RIMS1: variants seen among roughly 807,000 people sequenced by gnomAD.
The protein encoded by RIMS1 is regulating synaptic membrane exocytosis protein 1.
A neutral mutation model predicts 214.1 loss-of-function variants in RIMS1; 83 were observed. The observed-to-expected ratio is 0.39, with a 90% CI of 0.32 to 0.47. The LOEUF is 0.47. Ranked by LOEUF, RIMS1 falls within the 20% of genes least tolerant of loss-of-function variation. The pLI is 0.99. For missense variants in RIMS1, 2,050 were observed against 2,161.8 expected (o/e 0.95, Z 1.03); for synonymous variants, 793 against 786.8 (o/e 1.01, Z -0.13).
At chr6:72,380,977 T>TA (rs1378727710) in intron 29 of RIMS1, among the ~76,000 whole-genome samples, 1 of 152,226 alleles carries the variant, frequency 6.6e-6, no homozygotes, top group Non-Finnish European at 1.5e-5. Flanking sequence ...AATAACATGA[T>TA]AAAATAATAA....
At chr6:72,322,170 A>T (rs548375848) in intron 28 of RIMS1, among the ~76,000 whole-genome samples, 1 of 152,128 alleles carries the variant, frequency 6.6e-6, no homozygotes. Context: ...AAAAAGTCCA[A>T]TGAAAAATTC....
At position 72,313,567 on chromosome 6, in the gene RIMS1, G is replaced by C. The variant is rs776905137; in HGVS notation, c.4025G>C (p.Ser1342Thr). 6.2e-7 allele frequency: 1 copy of C among 1,613,644 alleles called. No individual in the cohort carries two copies. The part of the protein sequence containing the change: ...CDNVSAKSSD[S>T]DVSDVSAISR... ...AACGTCTCTGCCAAATCATCAGATA[G>C]TGATGTCAGTGATGTTTCCGCCATT... The change falls in exon 28 of 34, where the codon AGT (serine) becomes ACT (threonine). Residue 1342 changes from serine (S) to threonine (T), a missense_variant. Physicochemically the swap from Ser to Thr is moderately conservative, Grantham distance 58 (BLOSUM62 1). This residue lies in a region of RIMS1 where 889 missense variants were observed against 885.5 expected (regional missense o/e 1.00). Coordinates refer to ENST00000521978, the MANE Select transcript of RIMS1 (RefSeq NM_014989.7).
chr6:72,247,201 T>C (rs9446607), intron 11 of RIMS1, among the ~76,000 whole-genome samples: 2,907 of 152,196 alleles, frequency 0.019, 121 homozygotes, highest in African/African-American at 0.067. Flanking sequence ...GCCTCCTCCA[T>C]GTGAAGTTGA....
intron 27 of RIMS1, 40 bp from the exon 28 acceptor site, chr6:72,313,466 C>T (rs762263398): frequency 6.3e-7 from 1 of 1,583,566 alleles, no homozygotes; most frequent in East Asian, 2.3e-5. Context: ...TTTCCATTGT[C>T]TAATGATGGA....
intron 26 of RIMS1, among the ~76,000 whole-genome samples, chr6:72,293,917 A>G (rs1174018196): frequency 6.6e-6 from 1 of 151,808 alleles, no homozygotes; most frequent in Non-Finnish European, 1.5e-5. Context: ...GATATTTAAT[A>G]TGACAAATAC....
chr6:72,093,046 C>T (rs1327191738), intron 2 of RIMS1, among the ~76,000 whole-genome samples: 1 of 151,898 alleles, frequency 6.6e-6, no homozygotes, highest in East Asian at 1.9e-4. Flanking sequence ...ATCATTCATA[C>T]ATACAAAACA....
intron 29 of RIMS1, among the ~76,000 whole-genome samples, chr6:72,387,618 C>T (rs895914753): frequency 3.3e-5 from 5 of 152,322 alleles, no homozygotes; most frequent in Middle Eastern, 3.4e-3. Context: ...TAAGTGTGCA[C>T]GTTCCACAAT....
chr6:71,987,293 G>T (rs907648220), intron 2 of RIMS1, among the ~76,000 whole-genome samples: 1 of 152,148 alleles, frequency 6.6e-6, no homozygotes, highest in African/African-American at 2.4e-5. Context: ...TCATAGTTCT[G>T]GAGGCTGAAA....
chr6:72,366,659 T>C (rs2098034896), intron 29 of RIMS1: 1 of 961,444 alleles, frequency 1.0e-6, no homozygotes, highest in Non-Finnish European at 1.2e-6. Flanking sequence ...ATATTCTGTA[T>C]ATGCATGAGA....
intron 1 of RIMS1, among the ~76,000 whole-genome samples, chr6:71,960,302 T>C (rs530682882): frequency 1.3e-5 from 2 of 152,082 alleles, no homozygotes; most frequent in African/African-American, 4.8e-5. Context: ...GTGAGACTAG[T>C]GGTTTTCAAT....
chr6:71,975,449 A>G (rs1796899164), intron 2 of RIMS1, among the ~76,000 whole-genome samples: 1 of 152,202 alleles, frequency 6.6e-6, no homozygotes, highest in Non-Finnish European at 1.5e-5. Context: ...ATGCTTAGCC[A>G]AATTATGTTT....
intron 4 of RIMS1, among the ~76,000 whole-genome samples, chr6:72,170,154 GC>G (rs1325123089): frequency 2.0e-5 from 3 of 152,090 alleles, no homozygotes; most frequent in African/African-American, 7.2e-5. Context: ...AGCCTGAGAT[GC>G]TTTCCTCCAG....
intron 16 of RIMS1, among the ~76,000 whole-genome samples, chr6:72,256,711 G>A (rs2076019215): frequency 6.7e-6 from 1 of 149,874 alleles, no homozygotes; most frequent in Non-Finnish European, 1.5e-5. Flanking sequence ...AATGAGCTAT[G>A]TATTAATAGT....
chr6:72,046,234 G>A (rs1822990987), intron 2 of RIMS1, among the ~76,000 whole-genome samples: 1 of 151,888 alleles, frequency 6.6e-6, no homozygotes, highest in East Asian at 1.9e-4. Context: ...TAACCCTCTG[G>A]TTGGTTCAGA....
At chr6:72,223,400 A>G (rs2059144786) in intron 6 of RIMS1, among the ~76,000 whole-genome samples, 1 of 152,242 alleles carries the variant, frequency 6.6e-6, no homozygotes, top group Admixed American at 6.5e-5. Flanking sequence ...ATACTAAATT[A>G]TATTGTGTAC....
At chr6:72,239,871 G>A (rs556948715) in intron 9 of RIMS1, among the ~76,000 whole-genome samples, 1 of 152,088 alleles carries the variant, frequency 6.6e-6, no homozygotes, top group Non-Finnish European at 1.5e-5. Context: ...AGAAGATGTG[G>A]TCAATGCCTC....
intron 29 of RIMS1, among the ~76,000 whole-genome samples, chr6:72,358,568 T>G (rs1349592158): frequency 6.6e-6 from 1 of 152,158 alleles, no homozygotes. Flanking sequence ...GACATTTGTT[T>G]AAAAATTGTT....
intron 6 of RIMS1, among the ~76,000 whole-genome samples, chr6:72,209,917 A>G (rs1426404676): frequency 1.8e-5 from 2 of 110,158 alleles, no homozygotes; most frequent in Non-Finnish European, 3.6e-5. Context: ...AAAAAAAAAA[A>G]AAAAAAAGGG....
chr6:72,250,477 G>GAA lies in RIMS1; in HGVS notation c.2372+26_2372+27dup, dbSNP rs199898147. ...AGATAGAAGGTAGTGAATAATTTTA[G>GAA]AAAAAAAAAATCTTAAAATCTGTAC... On this transcript the variant is annotated intron_variant, in intron 13 of 33. Coordinates refer to ENST00000521978, the MANE Select transcript of RIMS1 (RefSeq NM_014989.7). The GAA allele has an allele frequency of 7.0e-6, 10 of 1,435,116 alleles. No homozygotes were observed. The highest frequency in any genetic ancestry group is 4.4e-5 in the African/African-American group (3 of 68,074). The allele number at this position is 1,435,116 out of a possible 1,614,324, so 88.9% of individuals were successfully genotyped here.
Sources: gnomAD v4.1 joint callset for allele counts (sites outside exome capture counted in the v4.1 genomes callset) on GRCh38, gnomAD v4.1.1 for gene constraint, gnomAD v4.1.1 regional missense constraint, MANE v1.5 for transcripts, NCBI Gene and HGNC (gene_info 2026-07-23, HGNC 2026-07-21) for gene names.